LDLRAD3: variants seen among roughly 807,000 people sequenced by gnomAD.
The protein encoded by LDLRAD3 is low density lipoprotein receptor class A domain containing 3.
LDLRAD3 carries 20 observed loss-of-function variants against 29.4 expected under a neutral mutation model. That is an observed-to-expected ratio of 0.68 (90% confidence interval 0.48 to 0.99). The LOEUF is 0.99. Ranked by LOEUF, LDLRAD3 falls within the 50% of genes least tolerant of loss-of-function variation. The pLI is 0.00. For missense variants in LDLRAD3, 420 were observed against 454.3 expected (o/e 0.92, Z 0.69); for synonymous variants, 157 against 192.7 (o/e 0.81, Z 1.53).
At chr11:36,061,646 A>G (rs1852702229) in intron 2 of LDLRAD3, among the ~76,000 whole-genome samples, 1 of 152,206 alleles carries the variant, frequency 6.6e-6, no homozygotes, top group African/African-American at 2.4e-5. Flanking sequence ...TTTCACTATA[A>G]TAAATTGGTT....
intron 1 of LDLRAD3, among the ~76,000 whole-genome samples, chr11:35,992,161 A>C (rs1851699597): frequency 6.6e-6 from 1 of 152,176 alleles, no homozygotes; most frequent in Admixed American, 6.5e-5. Context: ...TGGTTTTTCA[A>C]GATAGTAGGA....
At chr11:35,955,352 A>G (rs749470705) in intron 1 of LDLRAD3, among the ~76,000 whole-genome samples, 6 of 152,238 alleles carry the variant, frequency 3.9e-5, no homozygotes, top group Non-Finnish European at 7.3e-5. Context: ...TGGTCAAACC[A>G]CGCAAATGAT....
At chr11:36,123,051 A>G (rs1853782609) in intron 4 of LDLRAD3, among the ~76,000 whole-genome samples, 1 of 152,020 alleles carries the variant, frequency 6.6e-6, no homozygotes, top group Non-Finnish European at 1.5e-5. Flanking sequence ...GCCAGACATG[A>G]TGGCACATGC....
intron 1 of LDLRAD3, among the ~76,000 whole-genome samples, chr11:35,964,548 T>A (rs1311784050): frequency 6.6e-6 from 1 of 152,186 alleles, no homozygotes; most frequent in African/African-American, 2.4e-5. Flanking sequence ...GGAGTTAGCC[T>A]CTACTTTGGA....
At chr11:36,018,496 A>T (rs753346840) in intron 1 of LDLRAD3, among the ~76,000 whole-genome samples, 2 of 152,204 alleles carry the variant, frequency 1.3e-5, no homozygotes, top group Non-Finnish European at 1.5e-5. Flanking sequence ...CTCCTCTTAT[A>T]GACACTTGAG....
Position 36,213,553 on chromosome 11 carries a change from A to G in LDLRAD3, c.455-13532A>G, listed in dbSNP as rs1855311808. On this transcript the variant is annotated intron_variant, in intron 4 of 5. Transcript: ENST00000315571. The surrounding 1 kb of genome is among the most constrained non-coding windows in gnomAD (Gnocchi z 4.1). The stretch of plus-strand genomic sequence containing the variant: ...CCCTTGGTTTACAGTGGCCCAGACA[A>G]TCCCTTGATGCTTCCAGGCTTGAGA... Among the ~76,000 whole-genome samples the G allele has an allele frequency of 6.6e-6, 1 of 152,142 alleles. No individual in the cohort carries two copies. Among genetic ancestry groups the G allele is most frequent in the South Asian group, 2.1e-4 (1 of 4,824 alleles).
chr11:36,024,360 A>G (rs958453630), intron 1 of LDLRAD3, among the ~76,000 whole-genome samples: 3 of 152,094 alleles, frequency 2.0e-5, no homozygotes, highest in Non-Finnish European at 2.9e-5. Context: ...ATCTATAGCC[A>G]TATCTTTGTC....
At chr11:36,115,362 A>G (rs4755436) in intron 4 of LDLRAD3, among the ~76,000 whole-genome samples, 70,123 of 152,088 alleles carry the variant, frequency 0.46, 17,854 homozygotes, top group Non-Finnish European at 0.56. Context: ...ACCTCAGTCA[A>G]TAAAAAGGCA....
At chr11:36,108,993 C>A (rs1295922486) in intron 4 of LDLRAD3, among the ~76,000 whole-genome samples, 1 of 151,902 alleles carries the variant, frequency 6.6e-6, no homozygotes, top group Non-Finnish European at 1.5e-5. Flanking sequence ...TAACAGGATT[C>A]TCACTGAAGG....
chr11:35,958,017 A>G (rs545288075), intron 1 of LDLRAD3, among the ~76,000 whole-genome samples: 1 of 152,318 alleles, frequency 6.6e-6, no homozygotes, highest in Admixed American at 6.5e-5. Context: ...AGTATCATTT[A>G]TAGTGGTGAA....
intron 4 of LDLRAD3, among the ~76,000 whole-genome samples, chr11:36,154,193 G>A (rs1854315498): frequency 6.6e-6 from 1 of 152,088 alleles, no homozygotes; most frequent in Non-Finnish European, 1.5e-5. Flanking sequence ...TCCCAATTTT[G>A]AGCTCAGAGA....
chr11:36,036,115 T>C lies in LDLRAD3; in HGVS notation c.59T>C (p.Leu20Pro). 1 of 1,613,754 alleles carries C rather than the reference T, an allele frequency of 6.2e-7. No homozygotes were observed. Among genetic ancestry groups the C allele is most frequent in the South Asian group, 1.1e-5 (1 of 91,028 alleles). ...LLSSAAESQL[L>P]PGNNFTNECN... ...CTCTCTCTGACAGAGAGCCAGCTGCTCCCCGGGAACAACTTCACCAATGAG... is the reference window on the plus strand; with the variant it reads ...CTCTCTCTGACAGAGAGCCAGCTGCCCCCCGGGAACAACTTCACCAATGAG... Residue 20 changes from leucine (L) to proline (P), a missense_variant, in exon 2 of 6, where the codon CTC becomes CCC. By Grantham distance (98) the Leu-to-Pro change is moderately conservative. This residue lies in a region of LDLRAD3 where 224 missense variants were observed against 222.2 expected (regional missense o/e 1.01). Coordinates refer to ENST00000315571, the MANE Select transcript of LDLRAD3 (RefSeq NM_174902.4).
chr11:36,228,140 C>T (rs746932705), intron 5 of LDLRAD3, among the ~76,000 whole-genome samples: 3 of 152,138 alleles, frequency 2.0e-5, no homozygotes, highest in Non-Finnish European at 4.4e-5. Context: ...CAAGCTCTGC[C>T]GTGTATGGCA....
chr11:36,101,099 T>A (rs771588407), intron 4 of LDLRAD3, among the ~76,000 whole-genome samples: 8 of 152,208 alleles, frequency 5.3e-5, no homozygotes, highest in Non-Finnish European at 1.2e-4. Context: ...GCTTTGTGCC[T>A]TCCTTAGCCA....
intron 2 of LDLRAD3, among the ~76,000 whole-genome samples, chr11:36,055,998 T>C (rs1852613720): frequency 6.8e-6 from 1 of 146,374 alleles, no homozygotes; most frequent in Admixed American, 6.8e-5. Context: ...CCCTTTTTTT[T>C]TTTTTTTTTT....
At chr11:36,168,315 A>G (rs1036620728) in intron 4 of LDLRAD3, among the ~76,000 whole-genome samples, 1 of 152,176 alleles carries the variant, frequency 6.6e-6, no homozygotes, top group African/African-American at 2.4e-5. Flanking sequence ...AAGCTTGAGC[A>G]TGCAATTTTT....
At chr11:36,169,529 A>G (rs1854564835) in intron 4 of LDLRAD3, among the ~76,000 whole-genome samples, 1 of 152,192 alleles carries the variant, frequency 6.6e-6, no homozygotes, top group South Asian at 2.1e-4. Context: ...TCCCACATGT[A>G]AGTGAGAACA....
At chr11:36,090,080 A>G (rs1590258472) in intron 3 of LDLRAD3, among the ~76,000 whole-genome samples, 1 of 152,200 alleles carries the variant, frequency 6.6e-6, no homozygotes, top group Non-Finnish European at 1.5e-5. Flanking sequence ...TTTTTCCAAC[A>G]TCATATAGCT....
At chr11:36,069,492 C>T (rs1590240603) in intron 2 of LDLRAD3, among the ~76,000 whole-genome samples, 1 of 152,294 alleles carries the variant, frequency 6.6e-6, no homozygotes, top group Non-Finnish European at 1.5e-5. Context: ...CTTTGGGGAG[C>T]TGTGCATGTT....
Sources: allele counts gnomAD v4.1 joint callset (sites outside exome capture counted in the v4.1 genomes callset), GRCh38; gene constraint gnomAD v4.1.1; regional missense constraint gnomAD v4.1.1; non-coding constraint Gnocchi (gnomAD v3.1); transcripts MANE v1.5; gene names NCBI Gene and HGNC (gene_info 2026-07-23, HGNC 2026-07-21).